ERBB4: variants seen among roughly 807,000 people sequenced by gnomAD.
ERBB4 encodes receptor tyrosine-protein kinase erbB-4.
Under a neutral mutation model 158.0 loss-of-function variants are expected in ERBB4, and 42 were observed. The observed-to-expected ratio is 0.27, with a 90% CI of 0.21 to 0.34. The LOEUF is 0.34. Ranked by LOEUF, ERBB4 falls within the 10% of genes least tolerant of loss-of-function variation. The pLI is 1.00. For synonymous variants in ERBB4, 583 were observed against 558.7 expected, an observed-to-expected ratio of 1.04 and a Z score of -0.61; for missense variants, 1,333 against 1,624.1, an observed-to-expected ratio of 0.82 and a Z score of 3.08.
At chr2:211,749,267 C>T (rs2075059976) in intron 5 of ERBB4, among the ~76,000 whole-genome samples, 1 of 152,178 alleles carries the variant, frequency 6.6e-6, no homozygotes, top group Admixed American at 6.5e-5. Context: ...TCCAAATCCA[C>T]ATGTCTATGA....
chr2:212,382,020 A>G (rs1038853196), intron 1 of ERBB4, among the ~76,000 whole-genome samples: 1 of 151,050 alleles, frequency 6.6e-6, no homozygotes, highest in Non-Finnish European at 1.5e-5. Flanking sequence ...ATCACTTAGG[A>G]GTCTGTTAGA....
chr2:212,078,841 A>G (rs1380541584), intron 2 of ERBB4, among the ~76,000 whole-genome samples: 1 of 151,254 alleles, frequency 6.6e-6, no homozygotes, highest in Non-Finnish European at 1.5e-5. Flanking sequence ...TATAACACTA[A>G]TTATTACTAG....
chr2:211,735,195 C>T (rs1214362774), intron 5 of ERBB4, among the ~76,000 whole-genome samples: 2 of 149,104 alleles, frequency 1.3e-5, no homozygotes, highest in East Asian at 3.9e-4. Flanking sequence ...TTATTTTTAA[C>T]TTTATGACCT....
chr2:212,157,087 A>G (rs1203890995), intron 1 of ERBB4, among the ~76,000 whole-genome samples: 1 of 152,086 alleles, frequency 6.6e-6, no homozygotes, highest in African/African-American at 2.4e-5. Flanking sequence ...CTTAGACTAC[A>G]TACCATACTT....
intron 1 of ERBB4, among the ~76,000 whole-genome samples, chr2:212,349,893 G>T (rs1434425556): frequency 6.6e-6 from 1 of 151,960 alleles, no homozygotes; most frequent in Admixed American, 6.6e-5. Flanking sequence ...AAGGAAGAAG[G>T]GGAAAATAGA....
rs114795647 is a variant in ERBB4, at chr2:211,590,890, A to T, written c.2301+28287T>A. Among the ~76,000 whole-genome samples the T allele has an allele frequency of 4.3e-3, 653 of 152,356 alleles. 4 individuals carry two copies. The highest frequency in any genetic ancestry group is 0.015 in the African/African-American group (626 of 41,580). ...TTAAATGAAAACTTGCTATCTTGTTATGCAACAGGAAGAGCAGCAACTTAA... is the reference window on the plus strand; with the variant it reads ...TTAAATGAAAACTTGCTATCTTGTTTTGCAACAGGAAGAGCAGCAACTTAA... On this transcript the variant is annotated intron_variant, in intron 19 of 27. Coordinates refer to ENST00000342788, the MANE Select transcript of ERBB4 (RefSeq NM_005235.3).
At chr2:211,544,885 C>T (rs1044342908) in intron 20 of ERBB4, among the ~76,000 whole-genome samples, 1 of 151,970 alleles carries the variant, frequency 6.6e-6, no homozygotes, top group African/African-American at 2.4e-5. Flanking sequence ...GGTTTACTGC[C>T]GTGGATTGTC....
At chr2:211,676,700 A>G (rs1325756255) in intron 13 of ERBB4, among the ~76,000 whole-genome samples, 1 of 152,206 alleles carries the variant, frequency 6.6e-6, no homozygotes, top group Non-Finnish European at 1.5e-5. Context: ...AGATGCTGCT[A>G]TTACACAAAA....
Position 212,538,500 on chromosome 2 carries a change from C to A in ERBB4, c.31G>T (p.Val11Leu). Residue 11 changes from valine to leucine, a missense_variant, in exon 1 of 28, where the codon GTG becomes TTG. By Grantham distance (32) the Val-to-Leu change is conservative. This residue lies in a region of ERBB4 where 438 missense variants were observed against 586.9 expected (regional missense o/e 0.75). Coordinates refer to ENST00000342788, the MANE Select transcript of ERBB4 (RefSeq NM_005235.3). ...GTCCCCGCCGCCACGAGAAGGCTCA[C>A]CCAGACCCAAAGTCCTGTCGCCGGC... MKPATGLWVW[V>L]SLLVAAGTVQ... The A allele has an allele frequency of 6.2e-7, 1 of 1,614,114 alleles. No homozygotes were observed. Among genetic ancestry groups the A allele is most frequent in the Non-Finnish European group, 8.5e-7 (1 of 1,179,958 alleles).
intron 1 of ERBB4, among the ~76,000 whole-genome samples, chr2:212,210,954 T>C (rs1333263492): frequency 2.0e-5 from 3 of 152,150 alleles, no homozygotes; most frequent in Admixed American, 6.6e-5. Context: ...AAGTCCATTA[T>C]ATCTCCTCTG....
intron 2 of ERBB4, among the ~76,000 whole-genome samples, chr2:212,081,774 A>T (rs1225565326): frequency 1.3e-5 from 2 of 152,164 alleles, no homozygotes; most frequent in Non-Finnish European, 2.9e-5. Flanking sequence ...GCAGAATACA[A>T]CATTACATTT....
intron 1 of ERBB4, among the ~76,000 whole-genome samples, chr2:212,495,909 T>C (rs1386696820): frequency 6.6e-6 from 1 of 152,146 alleles, no homozygotes; most frequent in African/African-American, 2.4e-5. Flanking sequence ...CTTTGCTGAT[T>C]CTCCCTCACA....
intron 1 of ERBB4, among the ~76,000 whole-genome samples, chr2:212,471,225 T>C (rs536777827): frequency 3.3e-5 from 5 of 152,170 alleles, no homozygotes; most frequent in Admixed American, 3.3e-4. Context: ...ATCCATTTCA[T>C]ATTGGAGAAA....
chr2:212,468,396 C>G (rs1008049284), intron 1 of ERBB4, among the ~76,000 whole-genome samples: 3 of 152,126 alleles, frequency 2.0e-5, no homozygotes, highest in Non-Finnish European at 2.9e-5. Context: ...ATGATTGAAT[C>G]ATGGGGTGAG....
chr2:212,509,540 G>A (rs925075832), intron 1 of ERBB4, among the ~76,000 whole-genome samples: 2 of 151,896 alleles, frequency 1.3e-5, no homozygotes, highest in Non-Finnish European at 2.9e-5. Flanking sequence ...ATCATGCATT[G>A]TTACTATTAA....
At chr2:212,125,882 A>T (rs1475268046) in intron 1 of ERBB4, among the ~76,000 whole-genome samples, 1 of 152,172 alleles carries the variant, frequency 6.6e-6, no homozygotes, top group Non-Finnish European at 1.5e-5. Flanking sequence ...GTGAGCATAA[A>T]CGTGCATGTG....
intron 6 of ERBB4, among the ~76,000 whole-genome samples, chr2:211,723,935 TGA>T (rs1212210500): frequency 6.6e-6 from 1 of 152,200 alleles, no homozygotes; most frequent in Non-Finnish European, 1.5e-5. Flanking sequence ...AATGATAATT[TGA>T]AGCTCACTCA....
intron 1 of ERBB4, among the ~76,000 whole-genome samples, chr2:212,320,995 A>G (rs2087545594): frequency 6.7e-6 from 1 of 150,184 alleles, no homozygotes; most frequent in African/African-American, 2.4e-5. Context: ...CAGATATGAA[A>G]AGCAGAAATA....
chr2:211,444,139 A>C (rs1388736951), intron 20 of ERBB4, among the ~76,000 whole-genome samples: 1 of 59,470 alleles, frequency 1.7e-5, no homozygotes, highest in Non-Finnish European at 3.3e-5. Flanking sequence ...TCTGTGTATA[A>C]TTATCTGTAT....
Sources: allele counts gnomAD v4.1 joint callset (sites outside exome capture counted in the v4.1 genomes callset), GRCh38; gene constraint gnomAD v4.1.1; regional missense constraint gnomAD v4.1.1; transcripts MANE v1.5; gene names NCBI Gene and HGNC (gene_info 2026-07-23, HGNC 2026-07-21).